The following PTPRA variants were observed in gnomAD, a reference collection of about 807,000 sequenced individuals.
PTPRA encodes the protein protein tyrosine phosphatase receptor type A, also known as receptor-type tyrosine-protein phosphatase alpha.
A neutral mutation model predicts 104.8 loss-of-function variants in PTPRA; 25 were observed. That is an observed-to-expected ratio of 0.24 (90% CI 0.17 to 0.33). The LOEUF is 0.33. PTPRA is among the 10% of genes least tolerant of loss of function. PTPRA has a pLI of 1.00. For missense variants in PTPRA, 765 were observed against 1,015.3 expected (o/e 0.75, Z 3.35); for synonymous variants, 323 against 368.9 (o/e 0.88, Z 1.43).
At chr20:3,016,783 G>C (rs773735130) in intron 12 of PTPRA, among the ~76,000 whole-genome samples, 13 of 152,110 alleles carry the variant, frequency 8.5e-5, no homozygotes, top group Non-Finnish European at 1.6e-4. Context: ...TAAAAACAAA[G>C]TTCTCCTCCC....
At chr20:2,918,860 C>T (rs1378188640) in intron 1 of PTPRA, among the ~76,000 whole-genome samples, 2 of 151,998 alleles carry the variant, frequency 1.3e-5, no homozygotes, top group African/African-American at 4.8e-5. Flanking sequence ...TTGCCATGTA[C>T]CAGTTGTTTG....
At chr20:2,958,846 A>G (rs111550109) in intron 3 of PTPRA, among the ~76,000 whole-genome samples, 7,020 of 101,618 alleles carry the variant, frequency 0.069, 499 homozygotes, top group African/African-American at 0.33. Context: ...GACTGTATCA[A>G]AAAAAAAAAA....
Position 3,016,933 on chromosome 20 carries a change from C to A in PTPRA, c.944-883C>A, listed in dbSNP as rs548597801. On this transcript the variant is annotated intron_variant, in intron 12 of 23. Transcript: ENST00000399903. ...ACAGACGTGTACCCACATATCCTCC[C>A]CATTCTCCCAGAAGAGTCAAATCAC... Among the ~76,000 whole-genome samples, 235 of 152,306 alleles carry A rather than the reference C, an allele frequency of 1.5e-3. 2 individuals are homozygous for A. The highest frequency in any genetic ancestry group is 2.4e-3 in the Non-Finnish European group (165 of 68,038).
intron 2 of PTPRA, among the ~76,000 whole-genome samples, chr20:2,936,826 T>G (rs1466343226): frequency 6.6e-6 from 1 of 152,192 alleles, no homozygotes; most frequent in Non-Finnish European, 1.5e-5. Context: ...TTCGTTGGTA[T>G]GTATAAACCA....
chr20:2,949,750 G>A (rs146969819), intron 3 of PTPRA, among the ~76,000 whole-genome samples: 82 of 151,756 alleles, frequency 5.4e-4, no homozygotes, highest in African/African-American at 2.0e-3. Flanking sequence ...ACTTTTATCA[G>A]GTTAAGGAAG....
intron 11 of PTPRA, among the ~76,000 whole-genome samples, chr20:3,011,712 A>G (rs2064177330): frequency 6.6e-6 from 1 of 152,216 alleles, no homozygotes; most frequent in Non-Finnish European, 1.5e-5. Context: ...TGGAGTTCTT[A>G]CTTGCAGACT....
the PTPRA span, chr20:2,864,357 T>C: frequency 6.2e-7 from 1 of 1,613,988 alleles, no homozygotes. The surrounding 1 kb of genome is among the most constrained non-coding windows in gnomAD (Gnocchi z 5.2). Flanking sequence ...CACCTTACTC[T>C]CCTGCAGTGT....
chr20:2,948,884 G>A (rs1006732708), intron 3 of PTPRA, among the ~76,000 whole-genome samples: 8 of 151,984 alleles, frequency 5.3e-5, no homozygotes, highest in Admixed American at 6.6e-5. Flanking sequence ...CCCGGGAGGC[G>A]GAGCTTGCAG....
chr20:2,953,330 C>G (rs770692884), intron 3 of PTPRA, among the ~76,000 whole-genome samples: 1 of 152,038 alleles, frequency 6.6e-6, no homozygotes, highest in Non-Finnish European at 1.5e-5. Context: ...TCTCGGCTCA[C>G]TGCAACCTCT....
At chr20:2,881,463 A>G (rs551915358) in intron 1 of PTPRA, among the ~76,000 whole-genome samples, 3 of 152,312 alleles carry the variant, frequency 2.0e-5, no homozygotes, top group South Asian at 4.1e-4. Context: ...AGGATATTCC[A>G]TCAGATGCTT....
intron 9 of PTPRA, among the ~76,000 whole-genome samples, chr20:3,003,500 T>C (rs1467556275): frequency 6.6e-6 from 1 of 152,166 alleles, no homozygotes; most frequent in Non-Finnish European, 1.5e-5. Flanking sequence ...CCAAGTCACT[T>C]ACTCGGAATT....
chr20:3,016,812 A>G (rs2064481743), intron 12 of PTPRA, among the ~76,000 whole-genome samples: 1 of 152,216 alleles, frequency 6.6e-6, no homozygotes, highest in South Asian at 2.1e-4. Flanking sequence ...TCACTTTTTT[A>G]GTCTAATGCC....
chr20:2,866,187 C>G, the PTPRA span: 1 of 1,610,588 alleles, frequency 6.2e-7, no homozygotes, highest in African/African-American at 1.3e-5. Context: ...TACCTTCTCC[C>G]TCCACCCGCT....
At chr20:2,983,941 A>G (rs1206969754) in intron 6 of PTPRA, among the ~76,000 whole-genome samples, 1 of 152,112 alleles carries the variant, frequency 6.6e-6, no homozygotes. Flanking sequence ...TGCCAAGGAC[A>G]GAGCCCTGAG....
intron 5 of PTPRA, among the ~76,000 whole-genome samples, chr20:2,968,050 G>C (rs1471201582): frequency 6.6e-6 from 1 of 152,156 alleles, no homozygotes; most frequent in African/African-American, 2.4e-5. Context: ...ATCAGCCTGA[G>C]ATTTCCCTTC....
Position 2,986,771 on chromosome 20 carries a change from C to G in PTPRA, c.449C>G (p.Thr150Arg). ...TCTGTTGTCTTGATTTCAGATGAGA[C>G]ACCAATTATTGCGGTGATGGTGGCC... Reference protein sequence around the residue: ...NSDSKDRRDETPIIAVMVALS... With the variant: ...NSDSKDRRDERPIIAVMVALS... Residue 150 changes from threonine (T) to arginine (R), a missense_variant, in exon 7 of 24, where the codon ACA becomes AGA. Physicochemically the swap from Thr to Arg is moderately conservative, Grantham distance 71. This residue lies in a region of PTPRA where 256 missense variants were observed against 248.9 expected (regional missense o/e 1.03). Coordinates refer to ENST00000399903, the MANE Select transcript of PTPRA (RefSeq NM_001385305.1). 1 of 1,611,654 alleles carries G rather than the reference C, an allele frequency of 6.2e-7. No individual in the cohort carries two copies. Among genetic ancestry groups the G allele is most frequent in the East Asian group, 2.2e-5 (1 of 44,862 alleles).
intron 2 of PTPRA, among the ~76,000 whole-genome samples, chr20:2,933,462 GGTT>G (rs1328873379): frequency 2.7e-5 from 4 of 150,772 alleles, no homozygotes; most frequent in African/African-American, 9.8e-5. Context: ...TTGGTTGGTT[GGTT>G]GGGTTTTTTT....
At position 2,913,182 on chromosome 20, in the gene PTPRA, C is replaced by T. The variant is rs138828458; in HGVS notation, c.-128-10025C>T. Among the ~76,000 whole-genome samples, 377 of 152,118 alleles carry T rather than the reference C, an allele frequency of 2.5e-3. 4 individuals are homozygous for T. Among genetic ancestry groups the T allele is most frequent in the African/African-American group, 8.4e-3 (349 of 41,474 alleles). On this transcript the variant is annotated intron_variant, in intron 1 of 23. Coordinates refer to ENST00000399903, the MANE Select transcript of PTPRA (RefSeq NM_001385305.1). ...TTTGAGGTCAGGAGTTTGAGACCAG[C>T]TTGGCCAACATGATGAAAACCTGTC... is the stretch of plus-strand genomic sequence containing the variant.
chr20:2,903,008 C>T lies in PTPRA; in HGVS notation c.-128-20199C>T, dbSNP rs79866096. On this transcript the variant is annotated intron_variant, in intron 1 of 23. Transcript: ENST00000399903. Reference sequence around the variant, plus strand: ...TGCCAGTTACTTAACCTCTCTGTGCCTCAGTTTCTTCATCTGCAAAATGGG... The same window carrying T: ...TGCCAGTTACTTAACCTCTCTGTGCTTCAGTTTCTTCATCTGCAAAATGGG... Among the ~76,000 whole-genome samples, 854 of 152,234 alleles carry T rather than the reference C, an allele frequency of 5.6e-3. 8 individuals carry two copies. Among genetic ancestry groups the T allele is most frequent in the African/African-American group, 0.019 (789 of 41,536 alleles).
Sources: allele counts gnomAD v4.1 joint callset (sites outside exome capture counted in the v4.1 genomes callset), GRCh38; gene constraint gnomAD v4.1.1; regional missense constraint gnomAD v4.1.1; non-coding constraint Gnocchi (gnomAD v3.1); transcripts MANE v1.5; gene names NCBI Gene and HGNC (gene_info 2026-07-23, HGNC 2026-07-21).